Variants in PLEKHA5 observed in about 807,000 individuals in gnomAD.
The protein encoded by PLEKHA5 is pleckstrin homology domain containing A5, also known as pleckstrin homology domain-containing family A member 5.
Under a neutral mutation model 181.9 loss-of-function variants are expected in PLEKHA5, and 55 were observed. The ratio of observed to expected loss-of-function variants is 0.30; its 90% CI spans 0.24 to 0.38. PLEKHA5 has a LOEUF of 0.38. Among genes scored for constraint, PLEKHA5 ranks in the 10% least tolerant of loss-of-function variants. PLEKHA5 has a pLI of 1.00. For synonymous variants in PLEKHA5, 535 were observed against 529.4 expected (o/e 1.01, Z -0.15); for missense variants, 1,432 against 1,549.5 (o/e 0.92, Z 1.27).
intron 3 of PLEKHA5, among the ~76,000 whole-genome samples, chr12:19,189,193 G>A (rs759746779): frequency 6.6e-6 from 1 of 152,192 alleles, no homozygotes; most frequent in Non-Finnish European, 1.5e-5. Context: ...TGGCTGGTGA[G>A]GGGGACCGGG....
chr12:19,370,317 G>A (rs1028812385), intron 31 of PLEKHA5, among the ~76,000 whole-genome samples: 3 of 152,172 alleles, frequency 2.0e-5, no homozygotes, highest in Non-Finnish European at 4.4e-5. Flanking sequence ...TATTAAGTCA[G>A]GGAGGTAATT....
chr12:19,184,905 C>T (rs2049466216), intron 3 of PLEKHA5, among the ~76,000 whole-genome samples: 1 of 152,092 alleles, frequency 6.6e-6, no homozygotes, highest in Admixed American at 6.5e-5. Context: ...CTGGAAGCCA[C>T]AGTCAGAAGA....
At chr12:19,268,906 C>T (rs1330284837) in intron 8 of PLEKHA5, among the ~76,000 whole-genome samples, 2 of 152,124 alleles carry the variant, frequency 1.3e-5, no homozygotes, top group Middle Eastern at 3.4e-3. Context: ...AACACCATTT[C>T]GGATCATTTA....
At chr12:19,364,753 G>A (rs1012682349) in intron 29 of PLEKHA5, among the ~76,000 whole-genome samples, 10 of 151,290 alleles carry the variant, frequency 6.6e-5, no homozygotes, top group East Asian at 2.0e-4. Context: ...CCTCTGCCCC[G>A]CCGCCCGATT....
At chr12:19,370,238 T>C (rs116055897) in intron 31 of PLEKHA5, among the ~76,000 whole-genome samples, 168 of 152,364 alleles carry the variant, frequency 1.1e-3, no homozygotes, top group African/African-American at 3.8e-3. Context: ...ATGTTTATGG[T>C]ACAGCCAACT....
intron 3 of PLEKHA5, among the ~76,000 whole-genome samples, chr12:19,160,214 T>C (rs1332855202): frequency 2.0e-5 from 3 of 152,108 alleles, no homozygotes; most frequent in Non-Finnish European, 2.9e-5. Context: ...AGAATTCCAG[T>C]GTTCTTATTT....
chr12:19,177,016 C>T (rs1440589288), intron 3 of PLEKHA5, among the ~76,000 whole-genome samples: 27 of 151,966 alleles, frequency 1.8e-4, no homozygotes, highest in African/African-American at 5.6e-4. Flanking sequence ...TACAGGCACG[C>T]ACCACCACAC....
Position 19,142,495 on chromosome 12 carries a change from A to G in PLEKHA5, c.227+10045A>G, listed in dbSNP as rs534576670. Among the ~76,000 whole-genome samples the G allele has an allele frequency of 3.3e-5, 5 of 152,350 alleles. No homozygotes were observed. In the South Asian group the frequency reaches 8.3e-4, roughly 25 times the overall value. On this transcript the variant is annotated intron_variant, in intron 3 of 31. Coordinates refer to ENST00000429027, the MANE Select transcript of PLEKHA5 (RefSeq NM_001256470.2). The stretch of plus-strand genomic sequence containing the variant: ...TCACAATACAAAGAAATTATATAAC[A>G]TGGTAAAATTAGTGTGAATTTTTTC...
At chr12:19,257,564 A>T in intron 6 of PLEKHA5, 27 bp downstream of exon 6, 1 of 1,134,536 alleles carries the variant, frequency 8.8e-7, no homozygotes, top group Non-Finnish European at 1.3e-6. Context: ...GATATGAAAC[A>T]AAAGACAGAA....
At chr12:19,349,973 A>T (rs1472422520) in intron 25 of PLEKHA5, among the ~76,000 whole-genome samples, 1 of 152,082 alleles carries the variant, frequency 6.6e-6, no homozygotes, top group South Asian at 2.1e-4. Context: ...TTAGCCATGC[A>T]TGGTAGCACA....
chr12:19,141,089 CA>C, intron 3 of PLEKHA5, among the ~76,000 whole-genome samples: 1 of 152,226 alleles, frequency 6.6e-6, no homozygotes, highest in Middle Eastern at 3.4e-3. Flanking sequence ...CCACCGTGCC[CA>C]GCCAGGAAAC....
At chr12:19,347,301 C>T (rs1379294919) in intron 24 of PLEKHA5, 119 bp downstream of exon 24, 67 of 479,556 alleles carry the variant, frequency 1.4e-4, no homozygotes, top group Non-Finnish European at 1.7e-5. Flanking sequence ...TCATTTTTGG[C>T]CAGCAGTTTT....
intron 15 of PLEKHA5, chr12:19,306,383 C>G (rs1308734218): frequency 3.9e-6 from 2 of 515,806 alleles, no homozygotes; most frequent in African/African-American, 3.9e-5. Context: ...CTCTTCCCCT[C>G]CCCCGCGGCG....
At chr12:19,310,281 G>A (rs967016338) in intron 15 of PLEKHA5, among the ~76,000 whole-genome samples, 2 of 152,086 alleles carry the variant, frequency 1.3e-5, no homozygotes, top group African/African-American at 2.4e-5. Context: ...ATTCAAACCA[G>A]AAGTGAATTA....
intron 18 of PLEKHA5, 83 bp downstream of exon 18, chr12:19,320,707 T>G (rs533429667): frequency 4.8e-6 from 3 of 627,454 alleles, no homozygotes; most frequent in Admixed American, 5.4e-5. Context: ...ACCAAAAAAC[T>G]TCTTTCTCCC....
chr12:19,138,761 C>T (rs927079270), intron 3 of PLEKHA5, among the ~76,000 whole-genome samples: 2 of 151,730 alleles, frequency 1.3e-5, no homozygotes, highest in Non-Finnish European at 2.9e-5. Flanking sequence ...GCTGGGAACA[C>T]GTATAATATG....
At chr12:19,371,666 A>G (rs893462730) in intron 31 of PLEKHA5, 1 of 156,912 alleles carries the variant, frequency 6.4e-6, no homozygotes. Flanking sequence ...GCTGAGTAGT[A>G]TTCCATGGTG....
chr12:19,333,699 C>G (rs373522004), intron 20 of PLEKHA5, among the ~76,000 whole-genome samples: 4 of 151,756 alleles, frequency 2.6e-5, no homozygotes, highest in Non-Finnish European at 4.4e-5. Context: ...ACCTCCACCC[C>G]CCAGGTTCAA....
At chr12:19,348,578 C>CA in intron 25 of PLEKHA5, 59 bp downstream of exon 25, 1 of 1,316,242 alleles carries the variant, frequency 7.6e-7, no homozygotes. Context: ...AATTTACTGC[C>CA]AAAATAGTAG....
Sources: gnomAD v4.1 joint callset for allele counts (sites outside exome capture counted in the v4.1 genomes callset) on GRCh38, gnomAD v4.1.1 for gene constraint, MANE v1.5 for transcripts, NCBI Gene and HGNC (gene_info 2026-07-23, HGNC 2026-07-21) for gene names.